HEPH: variants seen among roughly 807,000 people sequenced by gnomAD.
HEPH encodes hephaestin.
A neutral mutation model predicts 80.8 loss-of-function variants in HEPH; 69 were observed. That is an observed-to-expected ratio of 0.85 (90% confidence interval 0.70 to 1.04). HEPH has a LOEUF of 1.04. Among genes scored for constraint, HEPH ranks in the 50% least tolerant of loss-of-function variants. The pLI, the probability that HEPH is intolerant of heterozygous loss-of-function variation, is 0.00. For synonymous variants in HEPH, 431 were observed against 322.8 expected (o/e 1.34, Z -3.60); for missense variants, 1,115 against 891.3 (o/e 1.25, Z -3.20).
intron 17 of HEPH, among the ~76,000 whole-genome samples, chrX:66,256,775 T>C (rs2091196462): frequency 8.9e-6 from 1 of 112,103 alleles, no homozygotes. Context: ...AGATGAAAGC[T>C]TGTATTTTAG....
intron 1 of HEPH, among the ~76,000 whole-genome samples, chrX:66,166,518 A>T (rs900296108): frequency 8.9e-6 from 1 of 111,969 alleles, no homozygotes. Flanking sequence ...GTTATAAAGG[A>T]TTTTATGGGT....
intron 4 of HEPH, among the ~76,000 whole-genome samples, chrX:66,187,202 G>A (rs1212069316): frequency 1.8e-5 from 2 of 110,981 alleles, no homozygotes; most frequent in African/African-American, 6.6e-5. Flanking sequence ...TTTCTCTGGT[G>A]CCTCCCTGAT....
intron 4 of HEPH, among the ~76,000 whole-genome samples, chrX:66,175,084 C>T (rs1461796692): frequency 1.8e-5 from 2 of 111,629 alleles, no homozygotes; most frequent in African/African-American, 6.5e-5. Flanking sequence ...GAAATCCTTG[C>T]CTAAGCCAAT....
At position 66,266,445 on chromosome X, in the gene HEPH, C is replaced by T. The variant is rs761460162; in HGVS notation, c.3250C>T (p.Pro1084Ser). 1.2e-5 allele frequency: 14 copies of T among 1,204,773 alleles called. No individual in the cohort carries two copies. The highest frequency in any genetic ancestry group is 1.5e-5 in the Non-Finnish European group (13 of 890,907). Reference protein sequence around the residue: ...VITKETEKAVPPRDIEEGNVK... With the variant: ...VITKETEKAVSPRDIEEGNVK... ...TTTTTTTTTCTCCATTTCAGCAGTG[C>T]CCCCCAGAGACATTGAAGAAGGCAA... Residue 1084 changes from proline (P) to serine (S), a missense_variant, in exon 21 of 21, where the codon CCC (proline) becomes TCC (serine). By Grantham distance (74) the Pro-to-Ser change is moderately conservative. Coordinates refer to ENST00000343002, the MANE Select transcript of HEPH (RefSeq NM_001367233.3).
intron 1 of HEPH, among the ~76,000 whole-genome samples, chrX:66,169,351 C>T (rs1372408313): frequency 8.9e-6 from 1 of 111,909 alleles, no homozygotes; most frequent in Non-Finnish European, 1.9e-5. Flanking sequence ...GTGTGCATCT[C>T]TGCTTTTAGG....
chrX:66,207,386 G>A, intron 14 of HEPH, 52 bp downstream of exon 14: 3 of 994,218 alleles, frequency 3.0e-6, no homozygotes, highest in Non-Finnish European at 4.0e-6. Context: ...ACTCCACCTA[G>A]GGAAGCTATG....
intron 15 of HEPH, among the ~76,000 whole-genome samples, chrX:66,213,849 G>A (rs2089268147): frequency 8.9e-6 from 1 of 112,087 alleles, no homozygotes; most frequent in Non-Finnish European, 1.9e-5. Context: ...AATAGCAATG[G>A]GAATACAGAT....
chrX:66,221,685 CG>C (rs1224453304), intron 15 of HEPH, among the ~76,000 whole-genome samples: 1 of 112,570 alleles, frequency 8.9e-6, no homozygotes, highest in Non-Finnish European at 1.9e-5. Flanking sequence ...AGGGTTTTGT[CG>C]GGTCAAATAG....
At chrX:66,261,698 A>G (rs886237935) in intron 19 of HEPH, among the ~76,000 whole-genome samples, 8 of 111,775 alleles carry the variant, frequency 7.2e-5, no homozygotes, top group Non-Finnish European at 1.5e-4. Context: ...TGGGTGGAGA[A>G]TACAACTCTT....
Position 66,192,151 on chromosome X carries a change from A to G in HEPH, c.1085A>G (p.Lys362Arg). ...TCAGATGGCATGCAGGCACTCTACAAGGTCAAGTCTTGCTCCATGGCCCCT... is the reference window on the plus strand; with the variant it reads ...TCAGATGGCATGCAGGCACTCTACAGGGTCAAGTCTTGCTCCATGGCCCCT... Reference protein sequence around the residue: ...HFRDGMQALYKVKSCSMAPPV... With the variant: ...HFRDGMQALYRVKSCSMAPPV... The change falls in exon 7 of 21, where the codon AAG (lysine) becomes AGG (arginine). Residue 362 changes from lysine (K) to arginine (R), a missense_variant. Lys to Arg is a conservative substitution (Grantham distance 26). Coordinates refer to ENST00000343002, the MANE Select transcript of HEPH (RefSeq NM_001367233.3). The G allele has an allele frequency of 1.7e-6, 2 of 1,209,244 alleles. No individual in the cohort carries two copies. Among genetic ancestry groups the G allele is most frequent in the Non-Finnish European group, 2.2e-6 (2 of 894,534 alleles).
In HEPH at chrX:66,180,030, C is replaced by T. The variant is rs779686276; in HGVS notation, c.625+6229C>T. ...GATGGTTGGTGACTTCTTTTCCATT[C>T]TGCATTTTTGTATTTTTTAAGTGGG... On this transcript the variant is annotated intron_variant, in intron 4 of 20. Transcript: ENST00000343002. Among the ~76,000 whole-genome samples, 6 of 111,371 alleles carry T rather than the reference C, an allele frequency of 5.4e-5. No homozygotes were observed. In the Admixed American group the frequency reaches 5.7e-4, roughly 11 times the overall value.
intron 11 of HEPH, 44 bp downstream of exon 11, chrX:66,199,072 G>T: frequency 8.7e-7 from 1 of 1,147,516 alleles, no homozygotes; most frequent in Non-Finnish European, 1.2e-6. Context: ...AGGGTCCCAA[G>T]TAAAATCTAA....
chrX:66,225,163 G>A (rs1262982143), intron 15 of HEPH, among the ~76,000 whole-genome samples: 1 of 111,411 alleles, frequency 9.0e-6, no homozygotes, highest in Non-Finnish European at 1.9e-5. Context: ...TCTAATGCTG[G>A]CCAGTCTATC....
intron 20 of HEPH, 69 bp from the exon 21 acceptor site, chrX:66,266,371 G>A (rs1449309176): frequency 1.2e-6 from 1 of 825,469 alleles, no homozygotes; most frequent in African/African-American, 2.1e-5. Flanking sequence ...TTCAGGTGAT[G>A]ACTATAGATA....
At chrX:66,231,337 G>T (rs1256860935) in intron 15 of HEPH, among the ~76,000 whole-genome samples, 5 of 104,728 alleles carry the variant, frequency 4.8e-5, no homozygotes, top group Non-Finnish European at 7.8e-5. Context: ...GCTTGATGGG[G>T]ATGGCATTGA....
chrX:66,210,737 A>G (rs2089066681), intron 15 of HEPH, among the ~76,000 whole-genome samples: 1 of 111,367 alleles, frequency 9.0e-6, no homozygotes, highest in African/African-American at 3.3e-5. Context: ...TAAATTTGAG[A>G]GATGTTAAGG....
rs773674058 is a variant in HEPH, at chrX:66,181,011, C to A, written c.625+7210C>A. ...ATGGTTTCCAGTTTCATCCATGTCC[C>A]TACAAAGGACATGAACTCATCATTT... On this transcript the variant is annotated intron_variant, in intron 4 of 20. Transcript: ENST00000343002. 6.2e-3 allele frequency among the ~76,000 whole-genome samples: 584 copies of A among 93,902 alleles called. 8 individuals carry two copies. The highest frequency in any genetic ancestry group is 0.022 in the African/African-American group (547 of 24,864). The allele number at this position is 93,902 out of a possible 115,157, so 81.5% of individuals were successfully genotyped here. A position where few individuals can be genotyped will look rare whatever the true frequency, so the allele number is the denominator to read the frequency against.
rs770060056 is a variant in HEPH at position 66,170,541 on chromosome X, A to G, written c.-13-17A>G. 1.7e-6 allele frequency: 2 copies of G among 1,196,504 alleles called. No individual in the cohort carries two copies. Among genetic ancestry groups the G allele is most frequent in the Non-Finnish European group, 2.3e-6 (2 of 885,453 alleles). ...TCTTTCTTCTACACCAGCAGTTTTT[A>G]TTTGCCTGTTTCCCAGAGTAATGTG... is the stretch of plus-strand genomic sequence containing the variant. On this transcript the variant is annotated splice_polypyrimidine_tract_variant and intron_variant, in intron 1 of 20. Coordinates refer to ENST00000343002, the MANE Select transcript of HEPH (RefSeq NM_001367233.3).
chrX:66,195,563 G>A (rs953462957), intron 9 of HEPH, among the ~76,000 whole-genome samples: 2 of 111,009 alleles, frequency 1.8e-5, no homozygotes, highest in African/African-American at 6.5e-5. Flanking sequence ...GCTTATACAA[G>A]TCTATATATA....
Sources: gnomAD v4.1 joint callset for allele counts (sites outside exome capture counted in the v4.1 genomes callset) on GRCh38, gnomAD v4.1.1 for gene constraint, MANE v1.5 for transcripts, NCBI Gene and HGNC (gene_info 2026-07-23, HGNC 2026-07-21) for gene names.